The following PRKN variants were observed in gnomAD, a reference collection of about 807,000 sequenced individuals.
PRKN encodes E3 ubiquitin-protein ligase parkin.
Under a neutral mutation model 59.5 loss-of-function variants are expected in PRKN, and 56 were observed. That is an observed-to-expected ratio of 0.94 (90% CI 0.76 to 1.18). The LOEUF is 1.18. Ranked by LOEUF, PRKN falls within the 50% of genes most tolerant of loss-of-function variation. The pLI is 0.00. For synonymous variants in PRKN, 250 were observed against 222.1 expected, an observed-to-expected ratio of 1.13 and a Z score of -1.12; for missense variants, 657 against 596.4, an observed-to-expected ratio of 1.10 and a Z score of -1.06.
chr6:162,415,807 C>G (rs1788601496), intron 2 of PRKN, among the ~76,000 whole-genome samples: 2 of 151,098 alleles, frequency 1.3e-5, no homozygotes, highest in Middle Eastern at 6.8e-3. Flanking sequence ...CAGAGTGAGA[C>G]TGTCTCAAAA....
At chr6:161,496,978 C>T (rs1476225850) in intron 9 of PRKN, among the ~76,000 whole-genome samples, 1 of 152,234 alleles carries the variant, frequency 6.6e-6, no homozygotes, top group Non-Finnish European at 1.5e-5. Context: ...TGAGACAACA[C>T]ATTTCTGCTG....
At position 162,162,808 on chromosome 6, in the gene PRKN, G is replaced by A. The variant is rs188509863; in HGVS notation, c.534+38323C>T. ...GCGGATCACAAGGTAAGGAGTTCGA[G>A]ACCAGCCTGGCCAATATGGTGAAAC... On this transcript the variant is annotated intron_variant, in intron 4 of 11. Transcript: ENST00000366898. Among the ~76,000 whole-genome samples the A allele has an allele frequency of 1.5e-4, 21 of 143,252 alleles. No homozygotes were observed. The East Asian group carries it at 4.1e-3, about 28-fold the overall frequency. 94.0% of individuals were successfully genotyped at this position (143,252 alleles called of 152,430 possible).
chr6:162,492,589 A>G (rs1042422983), intron 1 of PRKN, among the ~76,000 whole-genome samples: 2 of 152,104 alleles, frequency 1.3e-5, no homozygotes, highest in Admixed American at 6.6e-5. Context: ...GCCTGAGGTC[A>G]GGAGGTCCAG....
chr6:161,835,434 GAA>G (rs1227945825), intron 6 of PRKN, among the ~76,000 whole-genome samples: 2 of 152,196 alleles, frequency 1.3e-5, no homozygotes, highest in Non-Finnish European at 2.9e-5. Context: ...CATTGTGATT[GAA>G]ATTTGTCACT....
intron 3 of PRKN, among the ~76,000 whole-genome samples, chr6:162,219,096 G>A (rs1348429530): frequency 1.3e-5 from 2 of 152,098 alleles, no homozygotes; most frequent in East Asian, 1.9e-4. Flanking sequence ...AGGCTGAGGT[G>A]GGAGAAATCA....
intron 7 of PRKN, among the ~76,000 whole-genome samples, chr6:161,652,856 T>A (rs1408533631): frequency 6.6e-6 from 1 of 152,194 alleles, no homozygotes; most frequent in Non-Finnish European, 1.5e-5. Flanking sequence ...CCCCAGGTGA[T>A]GTAAAGTTAT....
At position 161,554,449 on chromosome 6, in the gene PRKN, T is replaced by C. The variant is rs1429869303; in HGVS notation, c.934-5446A>G. 6.0e-5 allele frequency among the ~76,000 whole-genome samples: 9 copies of C among 149,372 alleles called. No individual in the cohort carries two copies. The highest frequency in any genetic ancestry group is 1.3e-4 in the Non-Finnish European group (9 of 67,446). On this transcript the variant is annotated intron_variant, in intron 8 of 11. Coordinates refer to ENST00000366898, the MANE Select transcript of PRKN (RefSeq NM_004562.3). The surrounding 1 kb of genome is among the most constrained non-coding windows in gnomAD (Gnocchi z 4.5). ...ACACACACGCATGCAGGCACAACCA[T>C]CAGTACTTATGTTGATGGTTGATGT...
chr6:161,512,920 T>C (rs768064035), intron 9 of PRKN, among the ~76,000 whole-genome samples: 16 of 152,178 alleles, frequency 1.1e-4, no homozygotes, highest in Non-Finnish European at 2.1e-4. Flanking sequence ...TGATATTCCA[T>C]AACAATATGG....
intron 7 of PRKN, among the ~76,000 whole-genome samples, chr6:161,609,390 TTGA>T (rs1197511068): frequency 6.6e-6 from 1 of 152,184 alleles, no homozygotes; most frequent in Non-Finnish European, 1.5e-5. Context: ...TTATTTTTTC[TTGA>T]TGATGAAGAA....
chr6:161,858,417 A>G (rs11759902), intron 6 of PRKN, among the ~76,000 whole-genome samples: 75,625 of 151,864 alleles, frequency 0.5, 19,077 homozygotes, highest in East Asian at 0.76. Context: ...TCACTGTTAA[A>G]AACTCTAAAA....
intron 3 of PRKN, among the ~76,000 whole-genome samples, chr6:162,232,109 C>T (rs747957146): frequency 6.6e-6 from 1 of 152,156 alleles, no homozygotes; most frequent in Non-Finnish European, 1.5e-5. Context: ...TTTCCCAGAA[C>T]AGGGAGAGAG....
intron 7 of PRKN, among the ~76,000 whole-genome samples, chr6:161,652,941 A>G (rs2128162349): frequency 6.6e-6 from 1 of 152,330 alleles, no homozygotes; most frequent in South Asian, 2.1e-4. Flanking sequence ...ATGGCATTAA[A>G]CCCAAACATA....
chr6:161,792,995 A>C (rs3019429), intron 6 of PRKN, among the ~76,000 whole-genome samples: 126,677 of 152,036 alleles, frequency 0.83, 54,253 homozygotes, highest in East Asian at 0.95. Context: ...AAAGTGCACG[A>C]CTGACAAAGA....
chr6:162,568,506 G>C (rs1780178307), intron 1 of PRKN: 1 of 695,924 alleles, frequency 1.4e-6, no homozygotes, highest in African/African-American at 1.8e-5. Context: ...CGCCGTTGTG[G>C]TCAACCAGAG....
At chr6:161,565,694 T>A (rs1780615543) in intron 8 of PRKN, among the ~76,000 whole-genome samples, 3 of 152,194 alleles carry the variant, frequency 2.0e-5, no homozygotes, top group Admixed American at 2.0e-4. Context: ...CTCTTTCCTT[T>A]ATAAGTTACC....
intron 4 of PRKN, among the ~76,000 whole-genome samples, chr6:162,072,287 A>C (rs1778612007): frequency 6.6e-6 from 1 of 151,390 alleles, no homozygotes; most frequent in Admixed American, 6.6e-5. Flanking sequence ...GACTCCGTCC[A>C]AAAAAAAATA....
chr6:162,114,913 C>T (rs2128303548), intron 4 of PRKN, among the ~76,000 whole-genome samples: 1 of 151,976 alleles, frequency 6.6e-6, no homozygotes, highest in African/African-American at 2.4e-5. Flanking sequence ...TAAACTAGTT[C>T]AACCATTGTG....
intron 1 of PRKN, among the ~76,000 whole-genome samples, chr6:162,671,300 A>C (rs1779307474): frequency 6.6e-6 from 1 of 152,106 alleles, no homozygotes; most frequent in Admixed American, 6.6e-5. Context: ...GGAGATCGAG[A>C]CCATCCTGGC....
At chr6:162,686,450 G>A (rs1311047286) in intron 1 of PRKN, among the ~76,000 whole-genome samples, 1 of 152,114 alleles carries the variant, frequency 6.6e-6, no homozygotes, top group Non-Finnish European at 1.5e-5. Context: ...TGTGGGGTGG[G>A]GGTTTGTTTT....
Sources: gnomAD v4.1 joint callset for allele counts (sites outside exome capture counted in the v4.1 genomes callset) on GRCh38, gnomAD v4.1.1 for gene constraint, Gnocchi (gnomAD v3.1) non-coding constraint, MANE v1.5 for transcripts, NCBI Gene and HGNC (gene_info 2026-07-23, HGNC 2026-07-21) for gene names.